Variants in MRPS5 observed in about 807,000 individuals in gnomAD.
MRPS5 encodes small ribosomal subunit protein uS5m.
MRPS5 carries 27 observed loss-of-function variants against 51.9 expected under a neutral mutation model. That is an observed-to-expected ratio of 0.52 (90% confidence interval 0.38 to 0.72). MRPS5 has a LOEUF of 0.72. Ranked by LOEUF, MRPS5 falls within the 30% of genes least tolerant of loss-of-function variation. The pLI is 0.00. For missense variants in MRPS5, 570 were observed against 545.7 expected (o/e 1.04, Z -0.44); for synonymous variants, 196 against 193.2 (o/e 1.01, Z -0.12).
Position 95,106,429 on chromosome 2 carries a change from T to C in MRPS5, c.666A>G (p.Ile222Met), listed in dbSNP as rs778902489. 1 of 1,600,768 alleles carries C rather than the reference T, an allele frequency of 6.2e-7. No individual in the cohort carries two copies. Among genetic ancestry groups the C allele is most frequent in the South Asian group, 1.1e-5 (1 of 90,932 alleles). Reference sequence around the variant, plus strand: ...TTTAATTCTGCATGCCTACCTCAAGTATCCTGGTATCAAAATCCTCATATG... The same window carrying C: ...TTTAATTCTGCATGCCTACCTCAAGCATCCTGGTATCAAAATCCTCATATG... ...GETYEDFDTR[I>M]LEVRNVFTMT... The change falls in exon 6 of 12, where the codon ATA becomes ATG. Residue 222 changes from isoleucine (I) to methionine (M), a missense_variant. Physicochemically the swap from Ile to Met is conservative, Grantham distance 10. Coordinates refer to ENST00000272418, the MANE Select transcript of MRPS5 (RefSeq NM_031902.5).
At chr2:95,091,006 A>G (rs918103265) in intron 10 of MRPS5, 1 of 154,278 alleles carries the variant, frequency 6.5e-6, no homozygotes, top group Non-Finnish European at 1.4e-5. Context: ...GCTGGCCTCT[A>G]AATCTTGGGG....
chr2:95,105,804 T>C (rs1028050608), intron 6 of MRPS5, among the ~76,000 whole-genome samples: 3 of 152,214 alleles, frequency 2.0e-5, no homozygotes, highest in Non-Finnish European at 4.4e-5. Context: ...GCAATTGATA[T>C]TGAGGAAACA....
rs1160698037 is a variant in MRPS5 at position 95,121,625 on chromosome 2, C to G, written c.58+109G>C. 4.8e-5 allele frequency: 61 copies of G among 1,264,360 alleles called. No homozygotes were observed. The East Asian group carries it at 1.8e-3, about 37-fold the overall frequency. The allele number at this position is 1,264,360 out of a possible 1,614,324, so 78.3% of individuals were successfully genotyped here. A position where few individuals can be genotyped will look rare whatever the true frequency, so the allele number is the denominator to read the frequency against. On this transcript the variant is annotated intron_variant, in intron 1 of 11. Transcript: ENST00000272418. Reference sequence around the variant, plus strand: ...AAGGTGGGGGCACGGCGTGAAGAGCCGGGGGCCGCGGCTTCTCGCTTCCCT... The same window carrying G: ...AAGGTGGGGGCACGGCGTGAAGAGCGGGGGGCCGCGGCTTCTCGCTTCCCT...
At chr2:95,109,790 T>C (rs1676061714) in intron 4 of MRPS5, 126 bp downstream of exon 4, 1 of 1,108,288 alleles carries the variant, frequency 9.0e-7, no homozygotes, top group African/African-American at 1.6e-5. Context: ...CTGGTTGAAT[T>C]CTAAAACCAT....
intron 7 of MRPS5, among the ~76,000 whole-genome samples, chr2:95,103,214 A>G (rs1322026001): frequency 1.3e-5 from 2 of 152,254 alleles, no homozygotes; most frequent in Non-Finnish European, 1.5e-5. Context: ...ATATCTGACT[A>G]AGGGCTAATG....
intron 10 of MRPS5, among the ~76,000 whole-genome samples, chr2:95,099,380 A>G (rs1675730465): frequency 6.6e-6 from 1 of 152,134 alleles, no homozygotes; most frequent in South Asian, 2.1e-4. Context: ...TGCATTTTGA[A>G]AAGTTTTTTT....
At chr2:95,120,035 C>T (rs1170060210) in intron 1 of MRPS5, among the ~76,000 whole-genome samples, 4 of 152,196 alleles carry the variant, frequency 2.6e-5, no homozygotes, top group Non-Finnish European at 5.9e-5. Context: ...TGCACTCCAG[C>T]CAGGGCGACA....
chr2:95,105,540 C>A (rs569725985), intron 6 of MRPS5, among the ~76,000 whole-genome samples: 2 of 150,800 alleles, frequency 1.3e-5, no homozygotes, highest in African/African-American at 2.4e-5. Flanking sequence ...CAAGACTCCA[C>A]CTCAGAAAAA....
At chr2:95,096,248 C>G (rs956244034) in intron 10 of MRPS5, among the ~76,000 whole-genome samples, 5 of 152,138 alleles carry the variant, frequency 3.3e-5, no homozygotes, top group African/African-American at 7.2e-5. Flanking sequence ...CCAAATTCTA[C>G]CAGAGGTACA....
chr2:95,118,055 GT>G lies in MRPS5; in HGVS notation c.59-111del, dbSNP rs563811784. On this transcript the variant is annotated intron_variant, in intron 1 of 11. Transcript: ENST00000272418. ...TAGAATAAAGAACCAAGACGAGGGA[GT>G]AAGTAATTTCTGGGCTCCAGGACAA... is the stretch of plus-strand genomic sequence containing the variant. 897 of 769,998 alleles carry G rather than the reference GT, an allele frequency of 1.2e-3. 8 individuals carry two copies. In the African/African-American group the frequency reaches 0.015, roughly 13 times the overall value. 47.7% of individuals were successfully genotyped at this position (769,998 alleles called of 1,614,324 possible). A position where few individuals can be genotyped will look rare whatever the true frequency, so the allele number is the denominator to read the frequency against.
At chr2:95,096,418 A>G (rs1675629334) in intron 10 of MRPS5, among the ~76,000 whole-genome samples, 1 of 152,226 alleles carries the variant, frequency 6.6e-6, no homozygotes, top group Non-Finnish European at 1.5e-5. Context: ...TCCCTGATGA[A>G]TATCGATGCA....
chr2:95,104,255 T>C (rs1425744725), intron 7 of MRPS5: 1 of 174,208 alleles, frequency 5.7e-6, no homozygotes, highest in Non-Finnish European at 1.2e-5. Context: ...CTTAGCATTA[T>C]TTTAAAACTA....
intron 3 of MRPS5, among the ~76,000 whole-genome samples, chr2:95,114,177 C>T (rs958341691): frequency 1.1e-4 from 16 of 143,576 alleles, no homozygotes; most frequent in African/African-American, 4.1e-4. Flanking sequence ...AGTAGGAATA[C>T]AGGTGATTAT....
At chr2:95,116,093 A>G (rs1676278773) in intron 2 of MRPS5, among the ~76,000 whole-genome samples, 1 of 151,758 alleles carries the variant, frequency 6.6e-6, no homozygotes, top group Non-Finnish European at 1.5e-5. Flanking sequence ...TTTAGTAGAG[A>G]CAGGGTTTCA....
At chr2:95,092,574 G>C (rs376667815) in intron 10 of MRPS5, 5 of 152,240 alleles carry the variant, frequency 3.3e-5, no homozygotes, top group South Asian at 2.1e-4. Context: ...ACGTCTAAAA[G>C]TATTATATAC....
chr2:95,107,570 A>G (rs763647682), intron 5 of MRPS5, among the ~76,000 whole-genome samples: 5 of 152,138 alleles, frequency 3.3e-5, no homozygotes, highest in Non-Finnish European at 7.3e-5. Context: ...TCTCCCCTCC[A>G]GTTTCAACCT....
chr2:95,119,879 A>T (rs1211562077), intron 1 of MRPS5, among the ~76,000 whole-genome samples: 3 of 152,178 alleles, frequency 2.0e-5, no homozygotes, highest in African/African-American at 7.2e-5. Flanking sequence ...CCTCGGCAAC[A>T]TAGTGAGACC....
intron 10 of MRPS5, among the ~76,000 whole-genome samples, chr2:95,098,258 C>T (rs557850109): frequency 3.2e-4 from 48 of 152,244 alleles, no homozygotes; most frequent in Middle Eastern, 6.8e-3. Flanking sequence ...TAAACTAGTT[C>T]GACCATTGTG....
rs749084113 is a variant in MRPS5 at position 95,115,103 on chromosome 2, C to G, written c.240G>C (p.Met80Ile). Residue 80 changes from methionine to isoleucine, a missense_variant, in exon 3 of 12, where the codon ATG becomes ATC. Coordinates refer to ENST00000272418, the MANE Select transcript of MRPS5 (RefSeq NM_031902.5). Reference protein sequence around the residue: ...QCCISSPSHLMSQQYRPYSFF... With the variant: ...QCCISSPSHLISQQYRPYSFF... ...AACTATATGGTCTATACTGCTGGCT[C>G]ATCAGGTGACTGGGAGAAGAAATAC... 1 of 1,611,216 alleles carries G rather than the reference C, an allele frequency of 6.2e-7. No homozygotes were observed. The highest frequency in any genetic ancestry group is 2.2e-5 in the East Asian group (1 of 44,844).
Sources: gnomAD v4.1 joint callset for allele counts (sites outside exome capture counted in the v4.1 genomes callset) on GRCh38, gnomAD v4.1.1 for gene constraint, MANE v1.5 for transcripts, NCBI Gene and HGNC (gene_info 2026-07-23, HGNC 2026-07-21) for gene names.